THOC2: variants seen among roughly 807,000 people sequenced by gnomAD.
THOC2 encodes THO complex 2.
Under a neutral mutation model 128.4 loss-of-function variants are expected in THOC2, and 10 were observed. The ratio of observed to expected loss-of-function variants is 0.08; its 90% confidence interval spans 0.05 to 0.13. The LOEUF is 0.13. Among genes scored for constraint, THOC2 ranks in the 10% least tolerant of loss-of-function variants. The pLI is 1.00. For missense variants in THOC2, 535 were observed against 1,155.7 expected (o/e 0.46, Z 7.79); for synonymous variants, 393 against 396.9 (o/e 0.99, Z 0.12).
At chrX:123,605,388 T>C (rs1227345590) in intron 38 of THOC2, among the ~76,000 whole-genome samples, 1 of 111,761 alleles carries the variant, frequency 8.9e-6, no homozygotes, top group Non-Finnish European at 1.9e-5. Context: ...ACAAAACCTA[T>C]ACTCAGTATT....
At chrX:123,641,299 C>A (rs1433226340) in intron 15 of THOC2, among the ~76,000 whole-genome samples, 3 of 111,801 alleles carry the variant, frequency 2.7e-5, no homozygotes, top group Non-Finnish European at 5.6e-5. Context: ...CATAATAAAT[C>A]TAGAGACTTC....
At chrX:123,714,781 C>T (rs1438855634) in intron 1 of THOC2, among the ~76,000 whole-genome samples, 1 of 111,154 alleles carries the variant, frequency 9.0e-6, no homozygotes, top group Non-Finnish European at 1.9e-5. Context: ...AGAAATCATA[C>T]CAAGTATCTT....
At chrX:123,683,930 G>C (rs1432614087) in intron 8 of THOC2, among the ~76,000 whole-genome samples, 6 of 110,662 alleles carry the variant, frequency 5.4e-5, no homozygotes, top group African/African-American at 2.0e-4. Context: ...AGAAACAAAG[G>C]GATGGTATTA....
chrX:123,638,592 G>T, intron 17 of THOC2, among the ~76,000 whole-genome samples: 1 of 110,626 alleles, frequency 9.0e-6, no homozygotes, highest in Non-Finnish European at 1.9e-5. Flanking sequence ...CCAGGAGGCG[G>T]AGGTTGCAAT....
Position 123,636,592 on chromosome X carries a change from GC to G in THOC2, c.1922-418del, listed in dbSNP as rs1364325831. On this transcript the variant is annotated intron_variant, in intron 18 of 38. Transcript: ENST00000245838. ...AACTTGAATAAATGACAAAATGCCA[GC>G]CCCTGAATGTGAGTCAAGAAAAAAA... 4.5e-5 allele frequency among the ~76,000 whole-genome samples: 5 copies of G among 111,038 alleles called. No homozygotes were observed. The East Asian group carries it at 1.4e-3, about 31-fold the overall frequency.
In THOC2 at chrX:123,625,894, G is replaced by A. The variant is rs1217210893; in HGVS notation, c.3057+18C>T. 2.1e-5 allele frequency: 25 copies of A among 1,197,111 alleles called. No homozygotes were observed. In the South Asian group the frequency reaches 3.6e-4, roughly 17 times the overall value. On this transcript the variant is annotated intron_variant, in intron 25 of 38. Coordinates refer to ENST00000245838, the MANE Select transcript of THOC2 (RefSeq NM_001081550.2). ...ATCTTTGTGTGAGAACTTTTTAAAG[G>A]TTGCAATAAAAACTTACTCGATCAT...
At chrX:123,680,126 C>G (rs2049698246) in intron 8 of THOC2, among the ~76,000 whole-genome samples, 1 of 110,434 alleles carries the variant, frequency 9.1e-6, no homozygotes, top group African/African-American at 3.3e-5. Flanking sequence ...GAAGGAACGC[C>G]TCGTTGCAGT....
chrX:123,672,226 C>T (rs958153963), intron 8 of THOC2, among the ~76,000 whole-genome samples: 1 of 109,934 alleles, frequency 9.1e-6, no homozygotes, highest in South Asian at 3.9e-4. Context: ...GCAGTCCTGA[C>T]CTCTCAGGCT....
chrX:123,719,526 C>G (rs747163881), intron 1 of THOC2, among the ~76,000 whole-genome samples: 2 of 109,715 alleles, frequency 1.8e-5, no homozygotes, highest in Non-Finnish European at 3.8e-5. Flanking sequence ...AAGACTCCAT[C>G]TCTACAATCA....
chrX:123,663,416 T>C (rs944410679), intron 12 of THOC2, among the ~76,000 whole-genome samples: 1 of 110,990 alleles, frequency 9.0e-6, no homozygotes, highest in Non-Finnish European at 1.9e-5. Flanking sequence ...GGAACAGCAA[T>C]GGAAGGAGGG....
chrX:123,698,089 TAAAAA>T (rs745532091), intron 4 of THOC2, among the ~76,000 whole-genome samples: 1 of 85,390 alleles, frequency 1.2e-5, no homozygotes, highest in Non-Finnish European at 2.4e-5. Flanking sequence ...TCAGAGATGC[TAAAAA>T]AAAAAAAAAA....
At chrX:123,680,136 T>G (rs2049699499) in intron 8 of THOC2, among the ~76,000 whole-genome samples, 1 of 110,006 alleles carries the variant, frequency 9.1e-6, no homozygotes, top group African/African-American at 3.3e-5. Context: ...CTCGTTGCAG[T>G]TGAGACAAGA....
intron 3 of THOC2, among the ~76,000 whole-genome samples, chrX:123,704,526 T>A (rs1432679345): frequency 9.0e-6 from 1 of 111,673 alleles, no homozygotes; most frequent in African/African-American, 3.3e-5. Flanking sequence ...CAATATTCTC[T>A]TTATTTTCTT....
At chrX:123,602,255 C>G (rs779267669) in intron 38 of THOC2, 2 of 112,683 alleles carry the variant, frequency 1.8e-5, no homozygotes, top group South Asian at 7.3e-4. Context: ...CATGTATAAT[C>G]TTGATATTAT....
chrX:123,729,061 C>T (rs953488398), intron 1 of THOC2, among the ~76,000 whole-genome samples: 3 of 111,982 alleles, frequency 2.7e-5, no homozygotes, highest in African/African-American at 6.5e-5. Context: ...GCAAGTTCTA[C>T]GTCAATATAA....
chrX:123,711,238 G>A lies in THOC2; in HGVS notation c.130+1612C>T, dbSNP rs763624671. Reference sequence around the variant, plus strand: ...GTAGAGATGGAGTTTCACCATATTAGCCAGGCTGGTCTCGAACTCCAGACC... The same window carrying A: ...GTAGAGATGGAGTTTCACCATATTAACCAGGCTGGTCTCGAACTCCAGACC... On this transcript the variant is annotated intron_variant, in intron 2 of 38. Coordinates refer to ENST00000245838, the MANE Select transcript of THOC2 (RefSeq NM_001081550.2). Among the ~76,000 whole-genome samples, 6 of 99,094 alleles carry A rather than the reference G, an allele frequency of 6.1e-5. No homozygotes were observed. The East Asian group carries it at 2.0e-3, about 34-fold the overall frequency. The allele number at this position is 99,094 out of a possible 115,157, so 86.1% of individuals were successfully genotyped here. A position where few individuals can be genotyped will look rare whatever the true frequency, so the allele number is the denominator to read the frequency against.
intron 33 of THOC2, among the ~76,000 whole-genome samples, chrX:123,618,218 G>A (rs1272350516): frequency 9.0e-6 from 1 of 111,011 alleles, no homozygotes; most frequent in African/African-American, 3.3e-5. Flanking sequence ...GTGTTATTTC[G>A]GCTTGTTCTT....
At chrX:123,684,380 A>T (rs1362724764) in intron 8 of THOC2, among the ~76,000 whole-genome samples, 2 of 111,636 alleles carry the variant, frequency 1.8e-5, no homozygotes, top group Non-Finnish European at 3.8e-5. Flanking sequence ...TCTCTTTCCC[A>T]ATACCAAGAG....
chrX:123,709,224 T>C (rs971377335), intron 2 of THOC2, among the ~76,000 whole-genome samples: 2 of 112,154 alleles, frequency 1.8e-5, no homozygotes, highest in Non-Finnish European at 3.8e-5. Flanking sequence ...CTTACAACCT[T>C]ATAGTTATCT....
Sources: gnomAD v4.1 joint callset for allele counts (sites outside exome capture counted in the v4.1 genomes callset) on GRCh38, gnomAD v4.1.1 for gene constraint, MANE v1.5 for transcripts, NCBI Gene and HGNC (gene_info 2026-07-23, HGNC 2026-07-21) for gene names.